Variants in ABCB11 observed in about 807,000 individuals in gnomAD.
ABCB11 encodes the protein bile salt export pump.
A neutral mutation model predicts 148.0 loss-of-function variants in ABCB11; 95 were observed. That is an observed-to-expected ratio of 0.64 (90% CI 0.54 to 0.76). ABCB11 has a LOEUF of 0.76. Among genes scored for constraint, ABCB11 ranks in the 30% least tolerant of loss-of-function variants. The pLI is 0.00. For synonymous variants in ABCB11, 591 were observed against 555.4 expected (o/e 1.06, Z -0.90); for missense variants, 1,523 against 1,617.8 (o/e 0.94, Z 1.01).
intron 5 of ABCB11, among the ~76,000 whole-genome samples, chr2:168,996,985 T>C (rs1034669751): frequency 6.6e-6 from 1 of 151,938 alleles, no homozygotes. Context: ...TTCATTTTTA[T>C]AGGCAGAGAT....
At chr2:168,986,399 A>G in intron 9 of ABCB11, 115 bp from the exon 10 acceptor site, 1 of 909,714 alleles carries the variant, frequency 1.1e-6, no homozygotes, top group South Asian at 1.6e-5. Flanking sequence ...TCGCAAACAC[A>G]GAGCAGCTTC....
chr2:168,978,219 C>T (rs1693999040), intron 11 of ABCB11, among the ~76,000 whole-genome samples: 1 of 134,666 alleles, frequency 7.4e-6, no homozygotes, highest in Admixed American at 8.2e-5. Context: ...GATCATAGCT[C>T]ACTGCATCTT....
At chr2:168,943,195 T>C (rs1217405022) in intron 21 of ABCB11, among the ~76,000 whole-genome samples, 1 of 151,928 alleles carries the variant, frequency 6.6e-6, no homozygotes, top group African/African-American at 2.4e-5. Flanking sequence ...GAGATAAGAT[T>C]ATGACTTATT....
intron 1 of ABCB11, among the ~76,000 whole-genome samples, chr2:169,022,413 C>G (rs546648712): frequency 4.0e-5 from 6 of 151,826 alleles, no homozygotes; most frequent in African/African-American, 1.4e-4. Flanking sequence ...AAATCATAAG[C>G]AAATACTAAG....
intron 26 of ABCB11, among the ~76,000 whole-genome samples, chr2:168,925,020 A>T (rs34453330): frequency 0.025 from 3,821 of 152,228 alleles, 73 homozygotes; most frequent in Non-Finnish European, 0.039. Context: ...GCAAGGGGAC[A>T]TTATTCCTCA....
At chr2:168,925,212 T>C (rs918292265) in intron 26 of ABCB11, among the ~76,000 whole-genome samples, 2 of 152,214 alleles carry the variant, frequency 1.3e-5, no homozygotes, top group African/African-American at 4.8e-5. Flanking sequence ...TTCTGGTCCA[T>C]TGCTGTATTA....
rs137994400 is a variant in ABCB11 at position 168,925,701 on chromosome 2, G to A, written c.3619-898C>T. Among the ~76,000 whole-genome samples, 594 of 152,176 alleles carry A rather than the reference G, an allele frequency of 3.9e-3. 4 individuals carry two copies. The highest frequency in any genetic ancestry group is 0.014 in the African/African-American group (563 of 41,520). ...ACAACACGAGCTGTTTCCTTTCCCT[G>A]CTTCCCTTGCCTCCTGAGGAATGCT... On this transcript the variant is annotated intron_variant, in intron 26 of 27. Transcript: ENST00000650372.
At chr2:168,994,405 T>G (rs920815047) in intron 7 of ABCB11, among the ~76,000 whole-genome samples, 1 of 152,046 alleles carries the variant, frequency 6.6e-6, no homozygotes, top group Non-Finnish European at 1.5e-5. Flanking sequence ...TGGTGAAGAG[T>G]GCAGATTCTG....
intron 15 of ABCB11, 130 bp from the exon 16 acceptor site, chr2:168,969,681 A>G: frequency 1.2e-6 from 1 of 847,908 alleles, no homozygotes; most frequent in Non-Finnish European, 1.8e-6. Context: ...TAGGCTGTGC[A>G]GACATTAGAA....
intron 19 of ABCB11, among the ~76,000 whole-genome samples, chr2:168,952,783 T>C (rs1321052493): frequency 6.6e-6 from 1 of 151,348 alleles, no homozygotes; most frequent in African/African-American, 2.4e-5. Context: ...TCTAGTTTCT[T>C]GAAGTGCAAT....
At chr2:168,972,808 A>G (rs2105965929) in intron 13 of ABCB11, among the ~76,000 whole-genome samples, 1 of 152,166 alleles carries the variant, frequency 6.6e-6, no homozygotes, top group African/African-American at 2.4e-5. Flanking sequence ...GACAGAGTGA[A>G]AAGAGCATGG....
intron 23 of ABCB11, among the ~76,000 whole-genome samples, chr2:168,934,398 C>T (rs1449797911): frequency 1.3e-5 from 2 of 152,128 alleles, no homozygotes; most frequent in Non-Finnish European, 2.9e-5. Context: ...CCTTACCCCC[C>T]GACTCGCCCA....
rs1456561673 is a variant in ABCB11 at position 169,029,431 on chromosome 2, A to C, written c.-28+1794T>G. Among the ~76,000 whole-genome samples, 5 of 152,360 alleles carry C rather than the reference A, an allele frequency of 3.3e-5. No individual in the cohort carries two copies. In the East Asian group the frequency reaches 9.6e-4, roughly 29 times the overall value. On this transcript the variant is annotated intron_variant, in intron 1 of 27. Coordinates refer to ENST00000650372, the MANE Select transcript of ABCB11 (RefSeq NM_003742.4). ...ATTTAATATATGCTAAGAAACAAAG[A>C]AAATAGAAAGGCATTATTTTCCAGA... is the stretch of plus-strand genomic sequence containing the variant.
At chr2:168,947,577 G>C (rs186655627) in intron 19 of ABCB11, among the ~76,000 whole-genome samples, 127 of 151,736 alleles carry the variant, frequency 8.4e-4, no homozygotes, top group African/African-American at 2.8e-3. Flanking sequence ...TGCCCTTTAG[G>C]TATGTCAGAA....
chr2:168,948,461 A>G (rs189928134), intron 19 of ABCB11, among the ~76,000 whole-genome samples: 66 of 151,376 alleles, frequency 4.4e-4, no homozygotes, highest in African/African-American at 1.6e-3. Context: ...CAATGCCTGG[A>G]AAACTATAGG....
rs1384540976 is a variant in ABCB11 at position 168,969,520 on chromosome 2, G to A, written c.1841C>T (p.Ala614Val). 3 of 1,612,436 alleles carry A rather than the reference G, an allele frequency of 1.9e-6. No individual in the cohort carries two copies. The highest frequency in any genetic ancestry group is 2.7e-5 in the African/African-American group (2 of 74,924). ...AGCTCTGACCGTAGACAAGCGATGA[G>A]CAACTGAAATGATTGTGTGCCCATG... ...IQHGHTIISV[A>V]HRLSTVRAAD... The change falls in exon 16 of 28, where the codon GCT (alanine) becomes GTT (valine). Residue 614 changes from alanine to valine, a missense_variant. By Grantham distance (64) the Ala-to-Val change is moderately conservative. Coordinates refer to ENST00000650372, the MANE Select transcript of ABCB11 (RefSeq NM_003742.4).
rs1023475820 is a variant in ABCB11 at position 168,974,069 on chromosome 2, T to C, written c.1309-229A>G. ...TACTTAATTATTTAACTGAGAGCCA[T>C]GACCAAGAAGTAAAATGATGCACAT... is the stretch of plus-strand genomic sequence containing the variant. On this transcript the variant is annotated intron_variant, in intron 12 of 27. Coordinates refer to ENST00000650372, the MANE Select transcript of ABCB11 (RefSeq NM_003742.4). 2.6e-5 allele frequency among the ~76,000 whole-genome samples: 4 copies of C among 151,978 alleles called. 1 individual carries two copies. Among genetic ancestry groups the C allele is most frequent in the South Asian group, 4.1e-4 (2 of 4,820 alleles).
chr2:168,981,944 G>A (rs963891794), intron 10 of ABCB11, among the ~76,000 whole-genome samples: 1 of 152,164 alleles, frequency 6.6e-6, no homozygotes, highest in Admixed American at 6.6e-5. Flanking sequence ...CTGACTGGAG[G>A]CCTAAATTGA....
intron 5 of ABCB11, among the ~76,000 whole-genome samples, chr2:169,005,882 T>C (rs556055683): frequency 6.6e-6 from 1 of 152,304 alleles, no homozygotes; most frequent in East Asian, 1.9e-4. Context: ...TGAGTGGACC[T>C]ATAACAACTA....
Sources: allele counts gnomAD v4.1 joint callset (sites outside exome capture counted in the v4.1 genomes callset), GRCh38; gene constraint gnomAD v4.1.1; transcripts MANE v1.5; gene names NCBI Gene and HGNC (gene_info 2026-07-23, HGNC 2026-07-21).